CUX1: variants seen among roughly 807,000 people sequenced by gnomAD.
The protein encoded by CUX1 is protein CASP.
Under a neutral mutation model 158.8 loss-of-function variants are expected in CUX1, and 31 were observed. The observed-to-expected ratio is 0.20, with a 90% confidence interval of 0.15 to 0.26. The LOEUF is 0.26. Among genes scored for constraint, CUX1 ranks in the 10% least tolerant of loss-of-function variants. CUX1 has a pLI of 1.00. For synonymous variants in CUX1, 879 were observed against 862.1 expected, an observed-to-expected ratio of 1.02 and a Z score of -0.34; for missense variants, 1,589 against 2,014.6, an observed-to-expected ratio of 0.79 and a Z score of 4.04.
intron 20 of CUX1, among the ~76,000 whole-genome samples, chr7:102,214,696 C>T (rs906400844): frequency 4.6e-5 from 7 of 152,250 alleles, no homozygotes; most frequent in Non-Finnish European, 7.3e-5. Context: ...CAGCCCCATG[C>T]GGACTGGCCC....
At chr7:102,112,119 A>T in intron 7 of CUX1, 1 of 185,124 alleles carries the variant, frequency 5.4e-6, no homozygotes, top group Non-Finnish European at 1.1e-5. Context: ...AAAAAAAAAA[A>T]AACTCACTTC....
chr7:101,962,460 G>A (rs1489814668), intron 2 of CUX1, among the ~76,000 whole-genome samples: 1 of 152,208 alleles, frequency 6.6e-6, no homozygotes, highest in African/African-American at 2.4e-5. Flanking sequence ...ATTTAGCGAA[G>A]GTTTTTAGCG....
chr7:102,130,049 C>T (rs1554496666), intron 8 of CUX1, among the ~76,000 whole-genome samples: 1 of 152,200 alleles, frequency 6.6e-6, no homozygotes, highest in Non-Finnish European at 1.5e-5. Flanking sequence ...TGATTTCCTT[C>T]ACGGCTTGTT....
chr7:102,173,667 T>C (rs1818755395), intron 10 of CUX1, among the ~76,000 whole-genome samples: 1 of 152,084 alleles, frequency 6.6e-6, no homozygotes, highest in African/African-American at 2.4e-5. Flanking sequence ...GCTCAGTGTT[T>C]TGGTTGAAAA....
At chr7:101,971,827 T>C (rs1046061036) in intron 2 of CUX1, among the ~76,000 whole-genome samples, 3 of 152,202 alleles carry the variant, frequency 2.0e-5, no homozygotes, top group Admixed American at 6.5e-5. Flanking sequence ...TACAGCTTAA[T>C]AGAAGCAGCA....
intron 20 of CUX1, among the ~76,000 whole-genome samples, chr7:102,216,518 A>G (rs868986180): frequency 7.1e-4 from 55 of 77,744 alleles, no homozygotes; most frequent in Middle Eastern, 0.011. Context: ...GTGCGCGCAC[A>G]CACACACTCT....
At chr7:101,947,386 C>T (rs904719654) in intron 2 of CUX1, among the ~76,000 whole-genome samples, 1 of 152,064 alleles carries the variant, frequency 6.6e-6, no homozygotes, top group African/African-American at 2.4e-5. Flanking sequence ...AGCGAGACTC[C>T]GTCTCAAAAA....
rs781813656 is a variant in CUX1 at position 102,168,933 on chromosome 7, A to C, written c.724-1513A>C. On this transcript the variant is annotated intron_variant, in intron 9 of 23. Coordinates refer to ENST00000292535, the MANE Select transcript of CUX1 (RefSeq NM_181552.4). ...CTTTTATTTTCTTTTCTTTTCTTTT[A>C]TTTTCTTTTTTTTTTTGAGATGTGG... Among the ~76,000 whole-genome samples, 42 of 36,118 alleles carry C rather than the reference A, an allele frequency of 1.2e-3. 1 individual carries two copies. The highest frequency in any genetic ancestry group is 4.5e-3 in the East Asian group (17 of 3,762). The allele number at this position is 36,118 out of a possible 152,430, so 23.7% of individuals were successfully genotyped here. A position where few individuals can be genotyped will look rare whatever the true frequency, so the allele number is the denominator to read the frequency against.
intron 2 of CUX1, among the ~76,000 whole-genome samples, chr7:101,997,885 C>T (rs1816167981): frequency 6.6e-6 from 1 of 151,104 alleles, no homozygotes; most frequent in Admixed American, 6.6e-5. Context: ...CTGGACCCCA[C>T]CCCAGTGCTG....
chr7:102,265,347 A>T (rs149655256), intron 14 of CUX1, among the ~76,000 whole-genome samples: 5,374 of 128,086 alleles, frequency 0.042, 362 homozygotes, highest in African/African-American at 0.15. Flanking sequence ...CAAGAGCAAA[A>T]ATCTGTCTCA....
At chr7:102,244,738 G>T (rs1280110830) in intron 23 of CUX1, among the ~76,000 whole-genome samples, 1 of 152,074 alleles carries the variant, frequency 6.6e-6, no homozygotes, top group African/African-American at 2.4e-5. Context: ...CAGGATTGAT[G>T]ACGAGATTGC....
intron 1 of CUX1, among the ~76,000 whole-genome samples, chr7:101,841,087 G>A (rs1795153933): frequency 6.6e-6 from 1 of 152,008 alleles, no homozygotes; most frequent in African/African-American, 2.4e-5. Context: ...TAGAGACGGG[G>A]TTTCACCGTG....
intron 4 of CUX1, among the ~76,000 whole-genome samples, chr7:102,087,782 T>C (rs1554481038): frequency 6.6e-6 from 1 of 152,194 alleles, no homozygotes; most frequent in East Asian, 1.9e-4. Context: ...AACCATTAAC[T>C]TTTAAAGAAA....
At chr7:101,984,966 C>T (rs1222192560) in intron 2 of CUX1, among the ~76,000 whole-genome samples, 1 of 152,094 alleles carries the variant, frequency 6.6e-6, no homozygotes, top group East Asian at 1.9e-4. Context: ...CAGGCAAGGA[C>T]TCCTGCCATT....
intron 1 of CUX1, among the ~76,000 whole-genome samples, chr7:101,884,783 C>T (rs1001386174): frequency 6.6e-6 from 1 of 152,156 alleles, no homozygotes; most frequent in African/African-American, 2.4e-5. Flanking sequence ...TGGATATTTA[C>T]ACAGTGACAC....
chr7:102,087,507 G>A (rs1287714080), intron 4 of CUX1, among the ~76,000 whole-genome samples: 2 of 152,126 alleles, frequency 1.3e-5, no homozygotes, highest in African/African-American at 4.8e-5. Flanking sequence ...TCGAACCCGG[G>A]AGACAAAGGT....
At chr7:101,819,000 A>G (rs372966401) in intron 1 of CUX1, 3 of 152,262 alleles carry the variant, frequency 2.0e-5, no homozygotes, top group African/African-American at 2.4e-5. Context: ...GCCGTTCCGC[A>G]GTTCTGCAAC....
chr7:102,206,917 C>T (rs1203924127), intron 20 of CUX1, among the ~76,000 whole-genome samples: 2 of 152,104 alleles, frequency 1.3e-5, no homozygotes, highest in East Asian at 1.9e-4. Context: ...AAAAAACCCT[C>T]GTCCTACATA....
chr7:101,936,561 G>C (rs932992513), intron 2 of CUX1, among the ~76,000 whole-genome samples: 2 of 152,158 alleles, frequency 1.3e-5, no homozygotes, highest in Non-Finnish European at 1.5e-5. Context: ...ATCCTTCAAG[G>C]GTGAGCGGGG....
Sources: gnomAD v4.1 joint callset for allele counts (sites outside exome capture counted in the v4.1 genomes callset) on GRCh38, gnomAD v4.1.1 for gene constraint, MANE v1.5 for transcripts, NCBI Gene and HGNC (gene_info 2026-07-23, HGNC 2026-07-21) for gene names.